Variants in UFD1 observed in about 807,000 individuals in gnomAD.
UFD1 encodes the protein ubiquitin recognition factor in ER-associated degradation protein 1.
A neutral mutation model predicts 45.9 loss-of-function variants in UFD1; 13 were observed. The ratio of observed to expected loss-of-function variants is 0.28; its 90% CI spans 0.18 to 0.45. The LOEUF (loss-of-function observed/expected upper bound fraction) is 0.45, where lower values mean the gene tolerates loss of function less well. Among genes scored for constraint, UFD1 ranks in the 20% least tolerant of loss-of-function variants. UFD1 has a pLI of 1.00. For missense variants in UFD1, 218 were observed against 389.2 expected (o/e 0.56, Z 3.70); for synonymous variants, 128 against 139.2 (o/e 0.92, Z 0.56).
At chr22:19,463,907 C>G (rs2089784299) in intron 6 of UFD1, among the ~76,000 whole-genome samples, 1 of 152,140 alleles carries the variant, frequency 6.6e-6, no homozygotes, top group Non-Finnish European at 1.5e-5. Flanking sequence ...TCAGTACTAT[C>G]CTTTATCATC....
Position 19,450,737 on chromosome 22 carries a change from GCTT to G in UFD1, c.854_856del (p.Glu285del). ...AGAGAAAGCGACGAATCTGCCTCCA[GCTT>G]CATCCTAGGTTTGAAGAGAAGATAC... On this transcript the variant is annotated inframe_deletion, in exon 12 of 12. Transcript: ENST00000263202. 6.2e-7 allele frequency: 1 copy of G among 1,614,142 alleles called. No individual in the cohort carries two copies. Among genetic ancestry groups the G allele is most frequent in the Non-Finnish European group, 8.5e-7 (1 of 1,180,024 alleles).
intron 10 of UFD1, among the ~76,000 whole-genome samples, 153 bp downstream of exon 10, chr22:19,455,527 C>T (rs1416140909): frequency 1.3e-5 from 2 of 152,050 alleles, no homozygotes; most frequent in African/African-American, 2.4e-5. Context: ...GCATGTTGTG[C>T]TCCACCCCAC....
At chr22:19,471,433 G>A (rs1233895376) in intron 4 of UFD1, 1 of 731,162 alleles carries the variant, frequency 1.4e-6, no homozygotes, top group Admixed American at 1.7e-5. Context: ...CAGATGAACA[G>A]TTCAGCTGCG....
intron 6 of UFD1, among the ~76,000 whole-genome samples, chr22:19,462,647 GT>G (rs1216581616): frequency 2.0e-5 from 3 of 152,000 alleles, no homozygotes. Context: ...TCCAGCCAGG[GT>G]GAGACAAAGA....
rs933221889 is a variant in UFD1, at chr22:19,453,908, C to T, written c.849+841G>A. On this transcript the variant is annotated intron_variant, in intron 11 of 11. Transcript: ENST00000263202. Reference sequence around the variant, plus strand: ...CCTTTGAGAAAAGGAACCAGGAGAGCGATGGGTCTGAAGCGCTGGTGTTGT... The same window carrying T: ...CCTTTGAGAAAAGGAACCAGGAGAGTGATGGGTCTGAAGCGCTGGTGTTGT... 1.3e-5 allele frequency: 13 copies of T among 985,318 alleles called. No homozygotes were observed. In the African/African-American group the frequency reaches 1.6e-4, roughly 12 times the overall value. 61.0% of individuals were successfully genotyped at this position (985,318 alleles called of 1,614,324 possible).
At chr22:19,451,030 G>A (rs1286132566) in intron 11 of UFD1, 30 of 1,087,646 alleles carry the variant, frequency 2.8e-5, no homozygotes, top group Middle Eastern at 4.2e-4. Flanking sequence ...AGGCTGAGAC[G>A]GGAGGATGGT....
chr22:19,467,766 T>C, intron 5 of UFD1, 107 bp downstream of exon 5: 1 of 1,513,660 alleles, frequency 6.6e-7, no homozygotes, highest in Non-Finnish European at 8.9e-7. Context: ...GAATCACAAA[T>C]GTGTGATCCC....
chr22:19,454,688 T>A, intron 11 of UFD1, 61 bp downstream of exon 11: 1 of 1,611,472 alleles, frequency 6.2e-7, no homozygotes, highest in South Asian at 1.1e-5. Context: ...AGAACTTCAG[T>A]CATCACTAGC....
chr22:19,468,138 G>C (rs1302289707), intron 4 of UFD1, 135 bp from the exon 5 acceptor site: 2 of 1,233,804 alleles, frequency 1.6e-6, no homozygotes, highest in Middle Eastern at 2.0e-4. Flanking sequence ...AGTAATTCGT[G>C]ATACTATGTC....
chr22:19,458,008 G>A, intron 7 of UFD1, 63 bp downstream of exon 7: 4 of 1,583,810 alleles, frequency 2.5e-6, no homozygotes, highest in Non-Finnish European at 2.6e-6. Context: ...CTGGCCTGCA[G>A]TGGTCACCAA....
At chr22:19,467,583 C>T (rs1343042281) in intron 5 of UFD1, 1 of 339,310 alleles carries the variant, frequency 2.9e-6, no homozygotes. Flanking sequence ...ACTGGACATA[C>T]TGTGCATCCT....
intron 4 of UFD1, chr22:19,471,169 G>A (rs1214455814): frequency 4.1e-6 from 2 of 493,438 alleles, no homozygotes; most frequent in Non-Finnish European, 8.1e-6. Flanking sequence ...GGATATCCCA[G>A]CCCAGATCTG....
intron 6 of UFD1, among the ~76,000 whole-genome samples, chr22:19,462,435 G>A (rs1000193431): frequency 2.0e-5 from 3 of 152,298 alleles, no homozygotes; most frequent in Admixed American, 6.5e-5. Flanking sequence ...GGAGGCTGAG[G>A]CTGATGGCTC....
chr22:19,465,957 A>G (rs2089798704), intron 5 of UFD1: 1 of 152,240 alleles, frequency 6.6e-6, no homozygotes. Context: ...ACACAAGGAA[A>G]TGTCTATTCA....
chr22:19,462,246 C>T (rs760283692), intron 6 of UFD1, among the ~76,000 whole-genome samples: 1 of 152,146 alleles, frequency 6.6e-6, no homozygotes, highest in Non-Finnish European at 1.5e-5. Context: ...GTGATCCACC[C>T]ACCTCAGCCT....
At position 19,456,845 on chromosome 22, in the gene UFD1, A is replaced by G; in HGVS notation, c.630+8T>C. The G allele has an allele frequency of 6.2e-7, 1 of 1,614,110 alleles. No homozygotes were observed. The highest frequency in any genetic ancestry group is 1.3e-5 in the African/African-American group (1 of 75,042). ...AGGACAGCAAAGGACACTGAGGATA[A>G]CACTTACTGTCGACTCCTCATGCTG... On this transcript the variant is annotated splice_region_variant and intron_variant, in intron 8 of 11. Transcript: ENST00000263202.
intron 11 of UFD1, chr22:19,451,032 G>A (rs2089677659): frequency 9.2e-7 from 1 of 1,087,032 alleles, no homozygotes. Flanking sequence ...GCTGAGACGG[G>A]AGGATGGTTT....
intron 9 of UFD1, among the ~76,000 whole-genome samples, chr22:19,456,315 G>A (rs368439699): frequency 1.5e-4 from 23 of 152,184 alleles, no homozygotes; most frequent in African/African-American, 5.5e-4. Context: ...TAAGGGAACA[G>A]TATATGTCTA....
chr22:19,457,538 C>T (rs1403345734), intron 7 of UFD1, among the ~76,000 whole-genome samples: 12 of 152,142 alleles, frequency 7.9e-5, no homozygotes, highest in South Asian at 6.2e-4. Context: ...CTCGGCCAGG[C>T]GCGGTGGCCC....
Sources: allele counts gnomAD v4.1 joint callset (sites outside exome capture counted in the v4.1 genomes callset), GRCh38; gene constraint gnomAD v4.1.1; transcripts MANE v1.5; gene names NCBI Gene and HGNC (gene_info 2026-07-23, HGNC 2026-07-21).